MIB1: variants seen among roughly 807,000 people sequenced by gnomAD.
The protein encoded by MIB1 is MIB E3 ubiquitin protein ligase 1.
Under a neutral mutation model 124.5 loss-of-function variants are expected in MIB1, and 278 were observed. The observed-to-expected ratio is 2.23, with a 90% CI of 2.02 to 2.47. The LOEUF (loss-of-function observed/expected upper bound fraction) is 2.47. MIB1 is among the 30% of genes most tolerant of loss of function. The pLI is 0.00. For missense variants in MIB1, 957 were observed against 1,254.4 expected (o/e 0.76, Z 3.58); for synonymous variants, 446 against 429.4 (o/e 1.04, Z -0.48).
chr18:21,798,293 C>T, intron 8 of MIB1, 65 bp downstream of exon 8: 1 of 1,490,336 alleles, frequency 6.7e-7, no homozygotes, highest in Non-Finnish European at 9.3e-7. Context: ...GCTAATTCCC[C>T]AGTTCTCATA....
chr18:21,762,694 C>G (rs949296417), intron 1 of MIB1, among the ~76,000 whole-genome samples: 13 of 152,244 alleles, frequency 8.5e-5, no homozygotes, highest in Admixed American at 3.3e-4. Context: ...CAAACAAAAA[C>G]AGGAAGGAAC....
intron 20 of MIB1, among the ~76,000 whole-genome samples, chr18:21,862,405 TTTC>T (rs1333084867): frequency 6.6e-6 from 1 of 152,212 alleles, no homozygotes; most frequent in Non-Finnish European, 1.5e-5. Context: ...AATGAAGACA[TTTC>T]TTTTTAATTA....
Position 21,741,353 on chromosome 18 carries a change from C to T in MIB1, c.-231C>T, listed in dbSNP as rs2040847684. 1 of 188,760 alleles carries T rather than the reference C, an allele frequency of 5.3e-6. No homozygotes were observed. The allele number at this position is 188,760 out of a possible 1,614,324, so 11.7% of individuals were successfully genotyped here. ...CTCCGCCGCCGCCTCCGAGCAGCCG[C>T]GGGCCGCCCTCCACTCCGAGCGGGG... On this transcript the variant is annotated 5_prime_UTR_variant, in exon 1 of 21. Coordinates refer to ENST00000261537, the MANE Select transcript of MIB1 (RefSeq NM_020774.4). This position sits in a 1 kb window ranked among gnomAD's most constrained non-coding sequence, Gnocchi z 5.4.
intron 6 of MIB1, among the ~76,000 whole-genome samples, chr18:21,788,944 T>A (rs943927394): frequency 6.6e-6 from 1 of 152,174 alleles, no homozygotes; most frequent in Non-Finnish European, 1.5e-5. Context: ...CTACTGAACA[T>A]TGTTGAAAGA....
chr18:21,780,815 G>C (rs1039470016), intron 6 of MIB1, among the ~76,000 whole-genome samples: 1 of 152,124 alleles, frequency 6.6e-6, no homozygotes, highest in Admixed American at 6.5e-5. Context: ...GGCTATTGTG[G>C]ATAGTGCTGC....
intron 1 of MIB1, among the ~76,000 whole-genome samples, chr18:21,745,611 G>A (rs890897937): frequency 6.6e-6 from 1 of 151,926 alleles, no homozygotes; most frequent in African/African-American, 2.4e-5. Flanking sequence ...TACACCAGGG[G>A]CATTTAAGTA....
chr18:21,709,003 G>A (rs2040653079), intron 1 of MIB1, among the ~76,000 whole-genome samples: 1 of 152,182 alleles, frequency 6.6e-6, no homozygotes. Flanking sequence ...AGGCTTAGAA[G>A]TTGGGAACAA....
intron 1 of MIB1, among the ~76,000 whole-genome samples, chr18:21,758,735 A>G (rs752190544): frequency 3.9e-5 from 6 of 152,026 alleles, no homozygotes; most frequent in Admixed American, 6.5e-5. Flanking sequence ...GGGTTTCACT[A>G]TGTTGGCCAG....
intron 17 of MIB1, among the ~76,000 whole-genome samples, chr18:21,851,899 T>C (rs988054150): frequency 5.3e-5 from 8 of 152,152 alleles, no homozygotes; most frequent in African/African-American, 7.2e-5. Flanking sequence ...GGTACAGATA[T>C]GGTTTTTAGA....
At chr18:21,708,711 A>G (rs2040651733) in intron 1 of MIB1, among the ~76,000 whole-genome samples, 1 of 152,128 alleles carries the variant, frequency 6.6e-6, no homozygotes. Flanking sequence ...AGGAAATGAG[A>G]GCTCAGAAAG....
Position 21,791,335 on chromosome 18 carries a change from C to G in MIB1, c.909-39C>G, listed in dbSNP as rs111641172. The G allele has an allele frequency of 1.2e-5, 18 of 1,521,246 alleles. No individual in the cohort carries two copies. In the South Asian group the frequency reaches 2.4e-4, roughly 20 times the overall value. The allele number at this position is 1,521,246 out of a possible 1,614,324, so 94.2% of individuals were successfully genotyped here. A position where few individuals can be genotyped will look rare whatever the true frequency, so the allele number is the denominator to read the frequency against. On this transcript the variant is annotated intron_variant, in intron 6 of 20. Coordinates refer to ENST00000261537, the MANE Select transcript of MIB1 (RefSeq NM_020774.4). ...TTAAGAATTTTGTATTAAAATTAAG[C>G]AAAGCTACCCATTTTGAGGTTTAGC...
intron 4 of MIB1, among the ~76,000 whole-genome samples, chr18:21,775,078 T>G (rs1315062615): frequency 6.6e-6 from 1 of 152,064 alleles, no homozygotes; most frequent in Non-Finnish European, 1.5e-5. Flanking sequence ...TCCTAGTAGC[T>G]GGGACTGTAG....
intron 1 of MIB1, among the ~76,000 whole-genome samples, chr18:21,752,431 A>C (rs750395344): frequency 2.0e-5 from 3 of 152,232 alleles, no homozygotes; most frequent in Admixed American, 2.0e-4. Flanking sequence ...GTTAGCAGTT[A>C]GAATTGGGTC....
chr18:21,821,775 T>C (rs1300773029), intron 12 of MIB1, among the ~76,000 whole-genome samples: 1 of 152,060 alleles, frequency 6.6e-6, no homozygotes, highest in Non-Finnish European at 1.5e-5. Context: ...ATTTTTTTTG[T>C]ATTTTTTAGT....
At chr18:21,821,928 A>G (rs890376000) in intron 12 of MIB1, among the ~76,000 whole-genome samples, 1 of 152,010 alleles carries the variant, frequency 6.6e-6, no homozygotes, top group Admixed American at 6.5e-5. Flanking sequence ...TATACTTACT[A>G]TATACTCTGC....
At chr18:21,835,981 G>T (rs2042027146) in intron 12 of MIB1, among the ~76,000 whole-genome samples, 1 of 151,812 alleles carries the variant, frequency 6.6e-6, no homozygotes, top group Admixed American at 6.6e-5. Context: ...GGGCATGGTG[G>T]GTCATGCTTG....
At chr18:21,777,984 C>T in intron 4 of MIB1, 119 bp from the exon 5 acceptor site, 1 of 696,136 alleles carries the variant, frequency 1.4e-6, no homozygotes, top group Non-Finnish European at 2.5e-6. Flanking sequence ...TGATTGTTGA[C>T]CTAGACTGTT....
intron 1 of MIB1, among the ~76,000 whole-genome samples, chr18:21,734,494 CTCTT>C (rs978434123): frequency 3.4e-4 from 22 of 64,082 alleles, no homozygotes; most frequent in South Asian, 5.5e-4. Flanking sequence ...CTCTCTCTCT[CTCTT>C]TCTTTCTTTC....
rs766143135 is a variant in MIB1 at position 21,857,245 on chromosome 18, T to C, written c.2779+2T>C. 6.9e-6 allele frequency: 11 copies of C among 1,601,448 alleles called. No individual in the cohort carries two copies. The highest frequency in any genetic ancestry group is 9.4e-6 in the Non-Finnish European group (11 of 1,168,468). On this transcript the variant is annotated splice_donor_variant, in intron 19 of 20. Coordinates refer to ENST00000261537, the MANE Select transcript of MIB1 (RefSeq NM_020774.4). LOFTEE classifies it high-confidence loss of function. ...CAGAAGATGCCACTGATGATATCTG[T>C]AAGTCGATTGTCTTAAGCATTTTCA... is the stretch of plus-strand genomic sequence containing the variant.
Sources: allele counts gnomAD v4.1 joint callset (sites outside exome capture counted in the v4.1 genomes callset), GRCh38; gene constraint gnomAD v4.1.1; non-coding constraint Gnocchi (gnomAD v3.1); transcripts MANE v1.5; gene names NCBI Gene and HGNC (gene_info 2026-07-23, HGNC 2026-07-21).